The following SORCS3 variants were observed in gnomAD, a reference collection of about 807,000 sequenced individuals.
SORCS3 encodes VPS10 domain-containing receptor SorCS3.
SORCS3 carries 57 observed loss-of-function variants against 146.3 expected under a neutral mutation model. The observed-to-expected ratio is 0.39, with a 90% CI of 0.31 to 0.49. The LOEUF (loss-of-function observed/expected upper bound fraction) is 0.49. SORCS3 is among the 20% of genes least tolerant of loss of function. The pLI is 0.92. For missense variants in SORCS3, 1,341 were observed against 1,575.5 expected (o/e 0.85, Z 2.52); for synonymous variants, 653 against 618.5 (o/e 1.06, Z -0.83).
intron 4 of SORCS3, among the ~76,000 whole-genome samples, chr10:105,004,586 A>G (rs2055082698): frequency 3.9e-5 from 6 of 152,146 alleles, no homozygotes; most frequent in Admixed American, 3.3e-4. Context: ...CTTCTTAACT[A>G]CCAGATCCCT....
chr10:104,800,835 C>T (rs897958256), intron 1 of SORCS3, among the ~76,000 whole-genome samples: 1 of 152,170 alleles, frequency 6.6e-6, no homozygotes, highest in African/African-American at 2.4e-5. Flanking sequence ...AAGATTCAGT[C>T]ACTGGCAGAT....
chr10:104,663,113 C>G (rs2015723680), intron 1 of SORCS3, among the ~76,000 whole-genome samples: 1 of 152,172 alleles, frequency 6.6e-6, no homozygotes, highest in Non-Finnish European at 1.5e-5. Context: ...CTGTTCCCTT[C>G]CCACCTCTTG....
intron 2 of SORCS3, among the ~76,000 whole-genome samples, chr10:104,870,009 AT>A (rs1459012712): frequency 2.0e-5 from 3 of 152,212 alleles, no homozygotes; most frequent in Non-Finnish European, 4.4e-5. Context: ...GAATGAGTAG[AT>A]ATATGGAAAG....
intron 14 of SORCS3, among the ~76,000 whole-genome samples, chr10:105,185,059 A>G (rs1406133326): frequency 6.6e-6 from 1 of 152,212 alleles, no homozygotes; most frequent in South Asian, 2.1e-4. Context: ...AAAATCATAA[A>G]GTATGTGTCC....
chr10:104,911,703 A>G (rs2018970008), intron 2 of SORCS3, among the ~76,000 whole-genome samples: 1 of 152,224 alleles, frequency 6.6e-6, no homozygotes, highest in Non-Finnish European at 1.5e-5. Flanking sequence ...TGTGTTAATG[A>G]TGGAATGGAG....
At chr10:105,246,171 A>G (rs1343232052) in intron 21 of SORCS3, among the ~76,000 whole-genome samples, 2 of 152,208 alleles carry the variant, frequency 1.3e-5, no homozygotes, top group African/African-American at 4.8e-5. Context: ...GGACTAGGGC[A>G]GAAGAGGGTG....
At chr10:105,208,362 A>G (rs532069257) in intron 16 of SORCS3, among the ~76,000 whole-genome samples, 181 of 151,206 alleles carry the variant, frequency 1.2e-3, no homozygotes, top group African/African-American at 3.7e-3. Context: ...AAAAAAAAAA[A>G]AGAGAAATAA....
chr10:105,047,318 G>A (rs1322403492), intron 5 of SORCS3, among the ~76,000 whole-genome samples: 1 of 151,994 alleles, frequency 6.6e-6, no homozygotes, highest in South Asian at 2.1e-4. Flanking sequence ...AGTGCCTCTG[G>A]TCTCTGATGG....
intron 1 of SORCS3, among the ~76,000 whole-genome samples, chr10:104,806,804 G>C (rs1429023241): frequency 6.6e-6 from 1 of 152,186 alleles, no homozygotes; most frequent in African/African-American, 2.4e-5. Context: ...AGTTGTAAGA[G>C]GCTAGTGTGA....
chr10:105,047,715 G>T (rs957858598), intron 5 of SORCS3, among the ~76,000 whole-genome samples: 1 of 152,186 alleles, frequency 6.6e-6, no homozygotes, highest in African/African-American at 2.4e-5. Context: ...GGTGTGTAAA[G>T]GTAGGTAGGT....
At chr10:104,823,800 GTAGGTGGAAATAAGGTAGCAGTCA>G (rs1397180517) in intron 1 of SORCS3, among the ~76,000 whole-genome samples, 3 of 152,228 alleles carry the variant, frequency 2.0e-5, no homozygotes, top group Non-Finnish European at 2.9e-5. Context: ...AATTAAGACA[GTAGGTGGAAATAAGGTAGCAGTCA>G]GCTGAGTTTA....
chr10:104,919,462 G>A (rs1275987973), intron 3 of SORCS3, among the ~76,000 whole-genome samples: 2 of 151,950 alleles, frequency 1.3e-5, no homozygotes, highest in African/African-American at 2.4e-5. Context: ...AGACTGAGGT[G>A]GGCAGATCAC....
At chr10:104,729,670 A>T (rs1589476157) in intron 1 of SORCS3, among the ~76,000 whole-genome samples, 1 of 152,220 alleles carries the variant, frequency 6.6e-6, no homozygotes, top group East Asian at 1.9e-4. Flanking sequence ...GCGTATCCAT[A>T]TTTCAGAAGG....
chr10:104,665,602 A>C (rs1336462871), intron 1 of SORCS3: 1 of 152,260 alleles, frequency 6.6e-6, no homozygotes, highest in African/African-American at 2.4e-5. Flanking sequence ...TTCTTCCTCC[A>C]GCAGTGCAGC....
chr10:104,736,404 C>T (rs2016773132), intron 1 of SORCS3, among the ~76,000 whole-genome samples: 1 of 152,168 alleles, frequency 6.6e-6, no homozygotes, highest in Non-Finnish European at 1.5e-5. Flanking sequence ...AATTAACACT[C>T]AAGTGGAAAG....
At chr10:105,247,815 A>AAAGAAGGAAGAAGAGAAGAAAAGGAAG (rs1284921940) in intron 22 of SORCS3, among the ~76,000 whole-genome samples, 3 of 152,178 alleles carry the variant, frequency 2.0e-5, no homozygotes, top group Non-Finnish European at 4.4e-5. Flanking sequence ...GAGAAGTATA[A>AAAGAAGGAAGAAGAGAAGAAAAGGAAG]AAGAGAGTCT....
chr10:105,263,344 A>T lies in SORCS3; in HGVS notation c.3639A>T (p.Thr1213=), dbSNP rs555297374. The T allele has an allele frequency of 6.2e-7, 1 of 1,614,132 alleles. No homozygotes were observed. The highest frequency in any genetic ancestry group is 1.1e-5 in the South Asian group (1 of 91,084). ...GIATIANSES[T]KEIPNCTSV is the part of the protein sequence containing the mutation. ...CCACTATTGCAAACAGCGAAAGCAC[A>T]AAGGAGATCCCCAACTGCACTAGTG... The change falls in exon 27 of 27, where the codon ACA becomes ACT. Residue 1213 remains threonine (T), a synonymous_variant. Coordinates refer to ENST00000369701, the MANE Select transcript of SORCS3 (RefSeq NM_014978.3).
intron 1 of SORCS3, among the ~76,000 whole-genome samples, chr10:104,720,049 A>G (rs185275879): frequency 1.3e-5 from 2 of 152,056 alleles, no homozygotes; most frequent in Admixed American, 1.3e-4. Flanking sequence ...ATATGTATAC[A>G]TGTGCCATGT....
intron 20 of SORCS3, among the ~76,000 whole-genome samples, chr10:105,241,337 G>T (rs898424662): frequency 1.3e-5 from 2 of 152,214 alleles, no homozygotes; most frequent in African/African-American, 4.8e-5. Flanking sequence ...CCCATGGCCA[G>T]ACCAGGTGTA....
Sources: allele counts gnomAD v4.1 joint callset (sites outside exome capture counted in the v4.1 genomes callset), GRCh38; gene constraint gnomAD v4.1.1; transcripts MANE v1.5; gene names NCBI Gene and HGNC (gene_info 2026-07-23, HGNC 2026-07-21).